Variants in RPS6KA2 observed in about 807,000 individuals in gnomAD.
RPS6KA2 encodes ribosomal protein S6 kinase A2, also known as ribosomal protein S6 kinase alpha-2.
RPS6KA2 carries 42 observed loss-of-function variants against 91.8 expected under a neutral mutation model. That is an observed-to-expected ratio of 0.46 (90% confidence interval 0.36 to 0.59). RPS6KA2 has a LOEUF of 0.59. Ranked by LOEUF, RPS6KA2 falls within the 20% of genes least tolerant of loss-of-function variation. The pLI, the probability that RPS6KA2 is intolerant of heterozygous loss-of-function variation, is 0.00. For synonymous variants in RPS6KA2, 414 were observed against 393.6 expected, an observed-to-expected ratio of 1.05 and a Z score of -0.61; for missense variants, 798 against 978.5, an observed-to-expected ratio of 0.82 and a Z score of 2.46.
chr6:166,709,235 C>T (rs1789776716), intron 2 of RPS6KA2, among the ~76,000 whole-genome samples: 1 of 152,098 alleles, frequency 6.6e-6, no homozygotes. Flanking sequence ...AAGCTGGGCA[C>T]GCATGTAGAA....
At chr6:166,697,287 A>G (rs1789387083) in intron 2 of RPS6KA2, among the ~76,000 whole-genome samples, 2 of 152,210 alleles carry the variant, frequency 1.3e-5, no homozygotes, top group African/African-American at 4.8e-5. Context: ...AACCCAAGAA[A>G]TAGAAATGAA....
intron 1 of RPS6KA2, among the ~76,000 whole-genome samples, chr6:166,617,729 T>A (rs943812550): frequency 6.6e-6 from 1 of 152,332 alleles, no homozygotes; most frequent in South Asian, 2.1e-4. Context: ...CTAAATGACC[T>A]CCAAGGACTT....
chr6:166,519,375 C>T (rs190901213), intron 3 of RPS6KA2, among the ~76,000 whole-genome samples: 6 of 152,296 alleles, frequency 3.9e-5, no homozygotes, highest in East Asian at 3.9e-4. Flanking sequence ...TAAATGTTCT[C>T]GGCTATCTTG....
chr6:166,536,570 G>A (rs1783484567), intron 2 of RPS6KA2, among the ~76,000 whole-genome samples: 11 of 152,190 alleles, frequency 7.2e-5, no homozygotes, highest in Admixed American at 6.5e-4. Context: ...CAACGCTTTT[G>A]AGAATAGTAT....
intron 3 of RPS6KA2, among the ~76,000 whole-genome samples, chr6:166,518,414 T>C (rs570786046): frequency 5.3e-5 from 8 of 151,828 alleles, no homozygotes; most frequent in Non-Finnish European, 1.2e-4. Context: ...TTCAAAAAGA[T>C]TATAAAATTA....
exon 1 of RPS6KA2, chr6:166,862,492 G>A (rs913298142): frequency 2.1e-5 from 15 of 709,884 alleles, no homozygotes; most frequent in Non-Finnish European, 3.0e-5. Context: ...ACGGCGCTGC[G>A]GCTTCGGAAT....
chr6:166,630,366 A>T (rs1787039351), upstream of RPS6KA2, among the ~76,000 whole-genome samples: 1 of 152,398 alleles, frequency 6.6e-6, no homozygotes, highest in East Asian at 1.9e-4. Context: ...GGCTGCTGAA[A>T]GTTTCAAGCT....
intron 2 of RPS6KA2, chr6:166,702,590 G>T: frequency 6.6e-7 from 1 of 1,513,746 alleles, no homozygotes; most frequent in South Asian, 1.1e-5. Context: ...TTTCGTATCT[G>T]AAGTTTCCGA....
chr6:166,454,461 G>A (rs1356342629), intron 12 of RPS6KA2, among the ~76,000 whole-genome samples: 1 of 152,084 alleles, frequency 6.6e-6, no homozygotes, highest in Non-Finnish European at 1.5e-5. Flanking sequence ...TCGCACCACT[G>A]CACTCTAGCC....
chr6:166,823,852 TTACGATACCAC>T (rs1779965056), intron 2 of RPS6KA2, among the ~76,000 whole-genome samples: 1 of 152,212 alleles, frequency 6.6e-6, no homozygotes, highest in Non-Finnish European at 1.5e-5. Context: ...TTAAAAGGTC[TTACGATACCAC>T]ATGTTAGGGA....
intron 1 of RPS6KA2, among the ~76,000 whole-genome samples, chr6:166,861,536 TG>T (rs1333079632): frequency 6.6e-6 from 1 of 152,254 alleles, no homozygotes; most frequent in Non-Finnish European, 1.5e-5. Flanking sequence ...CCACCAGCCC[TG>T]GGACGGGCAA....
At chr6:166,818,563 A>G (rs1278013657) in intron 2 of RPS6KA2, among the ~76,000 whole-genome samples, 1 of 152,022 alleles carries the variant, frequency 6.6e-6, no homozygotes, top group East Asian at 1.9e-4. Flanking sequence ...GGAATAAGTG[A>G]TTTGGGATGT....
intron 2 of RPS6KA2, among the ~76,000 whole-genome samples, chr6:166,761,059 G>T (rs1309503168): frequency 6.6e-6 from 1 of 152,200 alleles, no homozygotes; most frequent in Non-Finnish European, 1.5e-5. Flanking sequence ...ATGATGGCAA[G>T]AAATTGCCTT....
At chr6:166,497,558 G>A (rs935652055) in intron 8 of RPS6KA2, among the ~76,000 whole-genome samples, 1 of 152,244 alleles carries the variant, frequency 6.6e-6, no homozygotes, top group Non-Finnish European at 1.5e-5. Flanking sequence ...GTGAGCTCCC[G>A]GGGCTGAGGC....
intron 2 of RPS6KA2, among the ~76,000 whole-genome samples, chr6:166,723,699 C>CTTTTTTTTTTTTTTTTTTTTT (rs10637819): frequency 6.8e-5 from 10 of 146,220 alleles, no homozygotes; most frequent in African/African-American, 2.7e-4. Flanking sequence ...TTTTTCTTTT[C>CTTTTTTTTTTTTTTTTTTTTT]TTTTCTTTTT....
rs774846762 is a variant in RPS6KA2 at position 166,448,713 on chromosome 6, G to A, written c.1332+11C>T. On this transcript the variant is annotated intron_variant, in intron 14 of 20. Coordinates refer to ENST00000265678, the MANE Select transcript of RPS6KA2 (RefSeq NM_021135.6). This position sits in a 1 kb window ranked among gnomAD's most constrained non-coding sequence, Gnocchi z 4.7. The stretch of plus-strand genomic sequence containing the variant: ...ACACAGGGCCCTGCTCACTCAGCAG[G>A]CCTGCCTTACCTTCACGGCATACTC... 1 of 1,605,594 alleles carries A rather than the reference G, an allele frequency of 6.2e-7. No homozygotes were observed. Among genetic ancestry groups the A allele is most frequent in the African/African-American group, 1.3e-5 (1 of 74,906 alleles).
intron 2 of RPS6KA2, among the ~76,000 whole-genome samples, chr6:166,739,718 T>C (rs1303651710): frequency 6.6e-6 from 1 of 152,180 alleles, no homozygotes; most frequent in Non-Finnish European, 1.5e-5. Context: ...CCTAAAAGAC[T>C]CCGGTGATGG....
chr6:166,672,294 C>G (rs556933100), intron 2 of RPS6KA2, among the ~76,000 whole-genome samples: 49 of 152,216 alleles, frequency 3.2e-4, no homozygotes, highest in Admixed American at 3.2e-3. Flanking sequence ...AAGCGATACT[C>G]AACCAGAAGC....
chr6:166,446,990 C>T lies in RPS6KA2; in HGVS notation c.1332+1734G>A, dbSNP rs182455764. On this transcript the variant is annotated intron_variant, in intron 14 of 20. Coordinates refer to ENST00000265678, the MANE Select transcript of RPS6KA2 (RefSeq NM_021135.6). ...TTGTCTAAGGCAGAATACAGGTCTG[C>T]TCTTCACCACTGGAACATCTGGACA... Among the ~76,000 whole-genome samples, 45 of 152,322 alleles carry T rather than the reference C, an allele frequency of 3.0e-4. No homozygotes were observed. In the East Asian group the frequency reaches 8.5e-3, roughly 29 times the overall value.
Sources: allele counts gnomAD v4.1 joint callset (sites outside exome capture counted in the v4.1 genomes callset), GRCh38; gene constraint gnomAD v4.1.1; non-coding constraint Gnocchi (gnomAD v3.1); transcripts MANE v1.5; gene names NCBI Gene and HGNC (gene_info 2026-07-23, HGNC 2026-07-21).